PGCKA1: variants seen among roughly 807,000 people sequenced by gnomAD.
PGCKA1 encodes the protein PDCD10 and GCKIII kinases-associated protein 1.
chr4:37,524,601 T>C, the PGCKA1 span, among the ~76,000 whole-genome samples: 1 of 152,218 alleles, frequency 6.6e-6, no homozygotes, highest in Non-Finnish European at 1.5e-5. Flanking sequence ...ACAACCCTGA[T>C]TCACTATGGG....
the PGCKA1 span, among the ~76,000 whole-genome samples, chr4:37,577,246 C>G: frequency 6.6e-6 from 1 of 151,890 alleles, no homozygotes; most frequent in South Asian, 2.1e-4. Flanking sequence ...TTTATTACAA[C>G]TTTGATCTTG....
chr4:37,534,117 T>C, the PGCKA1 span, among the ~76,000 whole-genome samples: 1 of 152,216 alleles, frequency 6.6e-6, no homozygotes, highest in African/African-American at 2.4e-5. Flanking sequence ...AGGTAATCCA[T>C]ACAGAAATAA....
the PGCKA1 span, chr4:37,588,235 AG>A: frequency 6.6e-6 from 1 of 152,352 alleles, no homozygotes; most frequent in Admixed American, 6.5e-5. Flanking sequence ...GCAAAAGAAC[AG>A]GTCCACAAAT....
chr4:37,549,512 T>C, the PGCKA1 span, among the ~76,000 whole-genome samples: 2 of 152,234 alleles, frequency 1.3e-5, no homozygotes, highest in Admixed American at 1.3e-4. Context: ...AAGCTAACTC[T>C]TAGGCAAAAC....
At chr4:37,573,651 GT>G in the PGCKA1 span, among the ~76,000 whole-genome samples, 2 of 152,158 alleles carry the variant, frequency 1.3e-5, no homozygotes, top group African/African-American at 4.8e-5. Context: ...ATTCTGTTGA[GT>G]AAAGATACCA....
At chr4:37,539,053 T>C in the PGCKA1 span, among the ~76,000 whole-genome samples, 10 of 152,182 alleles carry the variant, frequency 6.6e-5, no homozygotes, top group South Asian at 2.1e-3. Context: ...CCTGAATGTG[T>C]GTTTGGAGTT....
At chr4:37,531,901 A>G in the PGCKA1 span, among the ~76,000 whole-genome samples, 1 of 151,572 alleles carries the variant, frequency 6.6e-6, no homozygotes, top group East Asian at 1.9e-4. Flanking sequence ...CAAAAAAAAA[A>G]AAAAAAAAAA....
At chr4:37,505,563 T>C in the PGCKA1 span, among the ~76,000 whole-genome samples, 2 of 152,184 alleles carry the variant, frequency 1.3e-5, no homozygotes, top group African/African-American at 2.4e-5. Flanking sequence ...TGGGGAGGCC[T>C]CACAATCATG....
chr4:37,566,032 C>A, the PGCKA1 span, among the ~76,000 whole-genome samples: 3 of 152,170 alleles, frequency 2.0e-5, no homozygotes, highest in Admixed American at 1.3e-4. Context: ...CTCGGACTGG[C>A]TCTCCTTGCT....
At chr4:37,558,155 C>A in the PGCKA1 span, 3 of 152,166 alleles carry the variant, frequency 2.0e-5, no homozygotes, top group African/African-American at 7.2e-5. Flanking sequence ...ATCATTTGGT[C>A]TTCTGCTACA....
At chr4:37,525,332 A>G in the PGCKA1 span, among the ~76,000 whole-genome samples, 2 of 152,214 alleles carry the variant, frequency 1.3e-5, no homozygotes, top group Non-Finnish European at 2.9e-5. Context: ...TAACTTCAAA[A>G]TAGGTCTTTA....
the PGCKA1 span, among the ~76,000 whole-genome samples, chr4:37,502,851 GGCTGT>G: frequency 6.6e-6 from 1 of 152,046 alleles, no homozygotes; most frequent in African/African-American, 2.4e-5. Flanking sequence ...GGGCACCCAG[GGCTGT>G]ATTGCAAGCA....
At chr4:37,574,615 ATTC>A in the PGCKA1 span, among the ~76,000 whole-genome samples, 3 of 152,226 alleles carry the variant, frequency 2.0e-5, no homozygotes, top group Admixed American at 2.0e-4. Context: ...AACAAGTGAT[ATTC>A]TTTAATTATT....
At chr4:37,546,970 G>A in the PGCKA1 span, among the ~76,000 whole-genome samples, 5 of 152,248 alleles carry the variant, frequency 3.3e-5, no homozygotes, top group East Asian at 1.9e-4. Flanking sequence ...TGGAAGTGTG[G>A]CCTGATCACC....
chr4:37,465,676 A>C, the PGCKA1 span, among the ~76,000 whole-genome samples: 1 of 151,040 alleles, frequency 6.6e-6, no homozygotes, highest in African/African-American at 2.4e-5. Context: ...GATGTTAAAA[A>C]CTCCAGAATT....
At chr4:37,477,673 C>CTG in the PGCKA1 span, among the ~76,000 whole-genome samples, 2 of 152,208 alleles carry the variant, frequency 1.3e-5, no homozygotes, top group East Asian at 3.9e-4. Flanking sequence ...GTTAATTACC[C>CTG]CATCACAGAT....
chr4:37,480,935 C>G, the PGCKA1 span, among the ~76,000 whole-genome samples: 1 of 152,240 alleles, frequency 6.6e-6, no homozygotes, highest in African/African-American at 2.4e-5. Context: ...TGCTCCTGCT[C>G]TGTCAGAGGT....
At chr4:37,586,683 A>G in the PGCKA1 span, among the ~76,000 whole-genome samples, 2 of 152,156 alleles carry the variant, frequency 1.3e-5, no homozygotes, top group African/African-American at 4.8e-5. Context: ...GCCAAGGTGG[A>G]TGGATCACCT....
the PGCKA1 span, among the ~76,000 whole-genome samples, chr4:37,527,246 A>C: frequency 6.6e-6 from 1 of 152,224 alleles, no homozygotes; most frequent in Non-Finnish European, 1.5e-5. Flanking sequence ...AAAGTTTATA[A>C]AGTAAAAAAG....
Sources: gnomAD v4.1 joint callset for allele counts (sites outside exome capture counted in the v4.1 genomes callset) on GRCh38, gnomAD v4.1.1 for gene constraint, MANE v1.5 for transcripts, NCBI Gene and HGNC (gene_info 2026-07-23, HGNC 2026-07-21) for gene names.